The following USP49 variants were observed in gnomAD, a reference collection of about 807,000 sequenced individuals.
The protein encoded by USP49 is ubiquitin carboxyl-terminal hydrolase 49.
In USP49, 24 loss-of-function variants were observed where a neutral mutation model predicts 58.6. The ratio of observed to expected loss-of-function variants is 0.41; its 90% confidence interval spans 0.30 to 0.58. The LOEUF is 0.58. USP49 is among the 20% of genes least tolerant of loss of function. USP49 has a pLI of 0.30. For missense variants in USP49, 703 were observed against 866.1 expected (o/e 0.81, Z 2.36); for synonymous variants, 408 against 365.1 (o/e 1.12, Z -1.34).
chr6:41,798,770 C>G lies in USP49; in HGVS notation c.1830G>C (p.Gly610=). Residue 610 remains glycine (G), a synonymous_variant, in exon 7 of 8, where the codon GGG becomes GGC. Coordinates refer to ENST00000682992, the MANE Select transcript of USP49 (RefSeq NM_001286554.2). Reference sequence around the variant, plus strand: ...AGGCTGTGTAGTGTCCTGAGCCAAACCCTTTCCCGTGATGCATGACCACTG... The same window carrying G: ...AGGCTGTGTAGTGTCCTGAGCCAAAGCCTTTCCCGTGATGCATGACCACTG... ...LSAVVMHHGK[G]FGSGHYTAYC... is the part of the protein sequence containing the mutation. The G allele has an allele frequency of 6.2e-7, 1 of 1,614,068 alleles. No homozygotes were observed. Among genetic ancestry groups the G allele is most frequent in the Non-Finnish European group, 8.5e-7 (1 of 1,180,016 alleles).
intron 2 of USP49, among the ~76,000 whole-genome samples, chr6:41,878,553 C>T (rs2127362051): frequency 6.6e-6 from 1 of 152,252 alleles, no homozygotes; most frequent in South Asian, 2.1e-4. Context: ...ACCAGAGTTG[C>T]TACTTCATCA....
At chr6:41,813,459 A>G (rs1325294208) in intron 3 of USP49, among the ~76,000 whole-genome samples, 1 of 152,216 alleles carries the variant, frequency 6.6e-6, no homozygotes, top group Non-Finnish European at 1.5e-5. Flanking sequence ...CCTCTGCTAA[A>G]AAAAAATATG....
chr6:41,796,228 A>G lies in USP49; in HGVS notation c.*305T>C, dbSNP rs753252434. Reference sequence around the variant, plus strand: ...AACATGGCTGCTCTCCTGTGTGGATATGATTGATTTACCCCCCCGCCCCGC... The same window carrying G: ...AACATGGCTGCTCTCCTGTGTGGATGTGATTGATTTACCCCCCCGCCCCGC... On this transcript the variant is annotated 3_prime_UTR_variant, in exon 8 of 8. Coordinates refer to ENST00000682992, the MANE Select transcript of USP49 (RefSeq NM_001286554.2). The G allele has an allele frequency of 3.7e-6, 1 of 272,958 alleles. No homozygotes were observed. Among genetic ancestry groups the G allele is most frequent in the Non-Finnish European group, 7.1e-6 (1 of 141,008 alleles). The allele number at this position is 272,958 out of a possible 1,614,324, so 16.9% of individuals were successfully genotyped here. A position where few individuals can be genotyped will look rare whatever the true frequency, so the allele number is the denominator to read the frequency against.
At chr6:41,853,193 A>C (rs1051323266) in intron 3 of USP49, among the ~76,000 whole-genome samples, 1 of 152,192 alleles carries the variant, frequency 6.6e-6, no homozygotes, top group Non-Finnish European at 1.5e-5. Flanking sequence ...TCTCAAAAAA[A>C]AAGAGCTGGG....
chr6:41,861,343 T>C (rs1774218842), intron 3 of USP49, among the ~76,000 whole-genome samples: 1 of 151,804 alleles, frequency 6.6e-6, no homozygotes, highest in Non-Finnish European at 1.5e-5. Context: ...CTTGGGAGGC[T>C]GAGGCAGGAA....
At chr6:41,852,560 T>C (rs568315558) in intron 3 of USP49, among the ~76,000 whole-genome samples, 16 of 152,276 alleles carry the variant, frequency 1.1e-4, no homozygotes, top group South Asian at 2.1e-4. Flanking sequence ...CTATAAAACA[T>C]TGTGGAAAGA....
chr6:41,839,771 A>T (rs777125904), intron 3 of USP49, among the ~76,000 whole-genome samples: 1 of 150,744 alleles, frequency 6.6e-6, no homozygotes, highest in African/African-American at 2.4e-5. Context: ...GTATGTTCTC[A>T]TAAGTGGGAG....
Position 41,805,541 on chromosome 6 carries a change from TATTAGCCC to T in USP49, c.1356+79_1356+86del. 3 of 1,387,758 alleles carry T rather than the reference TATTAGCCC, an allele frequency of 2.2e-6. No homozygotes were observed. The South Asian group carries it at 4.1e-5, about 19-fold the overall frequency. The allele number at this position is 1,387,758 out of a possible 1,614,324, so 86.0% of individuals were successfully genotyped here. A position where few individuals can be genotyped will look rare whatever the true frequency, so the allele number is the denominator to read the frequency against. ...AATCACAGCAAATGTGGGCTACTCT[TATTAGCCC>T]AATAACCCGGGGAAGGCACTCACAG... On this transcript the variant is annotated intron_variant, in intron 4 of 7. Coordinates refer to ENST00000682992, the MANE Select transcript of USP49 (RefSeq NM_001286554.2).
intron 2 of USP49, among the ~76,000 whole-genome samples, chr6:41,874,966 AAGAAAGAGAGAGAGAG>A (rs1290560948): frequency 6.6e-6 from 1 of 152,118 alleles, no homozygotes; most frequent in Non-Finnish European, 1.5e-5. Flanking sequence ...TGTCTAAAAA[AAGAAAGAGAGAGAGAG>A]AGAAAGAAAG....
At chr6:41,841,023 AAAC>A (rs1433389737) in intron 3 of USP49, among the ~76,000 whole-genome samples, 4 of 149,074 alleles carry the variant, frequency 2.7e-5, no homozygotes, top group African/African-American at 1.0e-4. Context: ...TCAAAAAAAA[AAAC>A]AAAAAACAAA....
intron 3 of USP49, among the ~76,000 whole-genome samples, chr6:41,820,986 A>C (rs1773442871): frequency 6.6e-6 from 1 of 152,174 alleles, no homozygotes; most frequent in Non-Finnish European, 1.5e-5. Context: ...TGGGCAAGAG[A>C]GCAAGACCCT....
intron 3 of USP49, among the ~76,000 whole-genome samples, chr6:41,837,078 T>A (rs1332489167): frequency 6.6e-6 from 1 of 152,118 alleles, no homozygotes; most frequent in Non-Finnish European, 1.5e-5. Flanking sequence ...AAACTACCAA[T>A]GACATTCTTC....
At chr6:41,799,310 T>C (rs1202082760) in intron 6 of USP49, among the ~76,000 whole-genome samples, 44 of 152,132 alleles carry the variant, frequency 2.9e-4, no homozygotes, top group Admixed American at 2.9e-3. Context: ...TTTAACCATG[T>C]TGCCGAGGCT....
At chr6:41,835,164 T>C (rs372325614) in intron 3 of USP49, among the ~76,000 whole-genome samples, 2 of 152,170 alleles carry the variant, frequency 1.3e-5, no homozygotes, top group Non-Finnish European at 2.9e-5. Context: ...TATATTTGCT[T>C]GGTATATCCC....
chr6:41,856,288 T>A lies in USP49; in HGVS notation c.-29+15276A>T, dbSNP rs552020727. 3.9e-4 allele frequency among the ~76,000 whole-genome samples: 58 copies of A among 149,878 alleles called. 1 individual carries two copies. The highest frequency in any genetic ancestry group is 1.1e-3 in the Admixed American group (17 of 14,918). Reference sequence around the variant, plus strand: ...TACTCGGAAGGCTGAGTCAGGAGAATGGCGTGAACTCGGGAGGCGGAGCTT... The same window carrying A: ...TACTCGGAAGGCTGAGTCAGGAGAAAGGCGTGAACTCGGGAGGCGGAGCTT... On this transcript the variant is annotated intron_variant, in intron 3 of 7. Coordinates refer to ENST00000682992, the MANE Select transcript of USP49 (RefSeq NM_001286554.2).
chr6:41,875,411 G>C (rs908509555), intron 2 of USP49, among the ~76,000 whole-genome samples: 2 of 152,130 alleles, frequency 1.3e-5, no homozygotes, highest in African/African-American at 4.8e-5. Context: ...GTCTTGCCCT[G>C]TAAGCTCCTG....
Position 41,806,260 on chromosome 6 carries a change from G to A in USP49, c.724C>T (p.Leu242=), listed in dbSNP as rs750010025. The change falls in exon 4 of 8, where the codon CTG becomes TTG. Residue 242 remains leucine (L), a synonymous_variant. Coordinates refer to ENST00000682992, the MANE Select transcript of USP49 (RefSeq NM_001286554.2). The surrounding 1 kb of genome is among the most constrained non-coding windows in gnomAD (Gnocchi z 5.9). ...SRRVPAATLK[L]RRQPAMAPGV... The stretch of plus-strand genomic sequence containing the variant: ...GGGGCCATGGCCGGCTGGCGACGCA[G>A]CTTGAGTGTGGCGGCGGGCACTCTG... 60 of 1,606,950 alleles carry A rather than the reference G, an allele frequency of 3.7e-5. No individual in the cohort carries two copies. The highest frequency in any genetic ancestry group is 4.9e-5 in the Non-Finnish European group (58 of 1,179,792).
chr6:41,894,666 G>T (rs1774866116), intron 1 of USP49, among the ~76,000 whole-genome samples: 1 of 149,736 alleles, frequency 6.7e-6, no homozygotes, highest in South Asian at 2.1e-4. Context: ...CACTTACCCC[G>T]GTACCCCTCA....
intron 2 of USP49, among the ~76,000 whole-genome samples, chr6:41,878,653 C>A (rs1195955142): frequency 6.6e-6 from 1 of 152,130 alleles, no homozygotes; most frequent in Non-Finnish European, 1.5e-5. Context: ...ACATTAAAAT[C>A]ATTAATTCTG....
Sources: allele counts gnomAD v4.1 joint callset (sites outside exome capture counted in the v4.1 genomes callset), GRCh38; gene constraint gnomAD v4.1.1; non-coding constraint Gnocchi (gnomAD v3.1); transcripts MANE v1.5; gene names NCBI Gene and HGNC (gene_info 2026-07-23, HGNC 2026-07-21).